The following WDPCP variants were observed in gnomAD, a reference collection of about 807,000 sequenced individuals.
WDPCP encodes the protein WD repeat containing planar cell polarity effector, also known as WD repeat-containing and planar cell polarity effector protein fritz homolog.
A neutral mutation model predicts 93.1 loss-of-function variants in WDPCP; 71 were observed. That is an observed-to-expected ratio of 0.76 (90% CI 0.63 to 0.93). The LOEUF (loss-of-function observed/expected upper bound fraction) is 0.93, where lower values mean the gene tolerates loss of function less well. Among genes scored for constraint, WDPCP ranks in the 40% least tolerant of loss-of-function variants. The pLI, the probability that WDPCP is intolerant of heterozygous loss-of-function variation, is 0.00. For synonymous variants in WDPCP, 315 were observed against 315.0 expected, an observed-to-expected ratio of 1.00 and a Z score of 0.00; for missense variants, 844 against 887.4, an observed-to-expected ratio of 0.95 and a Z score of 0.62.
At chr2:63,284,521 G>T (rs1042979041) in intron 13 of WDPCP, among the ~76,000 whole-genome samples, 1 of 152,080 alleles carries the variant, frequency 6.6e-6, no homozygotes, top group African/African-American at 2.4e-5. Context: ...TGGTATATCC[G>T]AATTGTCAGA....
chr2:63,299,148 A>C (rs1685128873), intron 13 of WDPCP, among the ~76,000 whole-genome samples: 1 of 152,202 alleles, frequency 6.6e-6, no homozygotes, highest in South Asian at 2.1e-4. Flanking sequence ...GCTATTGACC[A>C]ATCCTGTGTT....
At chr2:63,369,538 C>T in intron 12 of WDPCP, 1 of 456,292 alleles carries the variant, frequency 2.2e-6, no homozygotes, top group South Asian at 1.5e-5. Context: ...CAAACAGATA[C>T]CTCAACTAGA....
chr2:63,602,358 T>TG (rs1301117232), intron 3 of WDPCP, among the ~76,000 whole-genome samples: 50 of 148,046 alleles, frequency 3.4e-4, no homozygotes, highest in African/African-American at 1.2e-3. Context: ...TTTTTTTTTT[T>TG]TTTTTTTTTT....
chr2:63,173,296 T>G (rs1435502518), intron 15 of WDPCP, among the ~76,000 whole-genome samples: 2 of 151,138 alleles, frequency 1.3e-5, no homozygotes, highest in African/African-American at 4.9e-5. Flanking sequence ...GAAAAAATTG[T>G]GGAGAGCTTA....
intron 3 of WDPCP, chr2:63,595,335 C>G: frequency 1.2e-6 from 1 of 819,228 alleles, no homozygotes; most frequent in Non-Finnish European, 2.1e-6. Flanking sequence ...CATGCATGTA[C>G]ATACCAAATA....
intron 2 of WDPCP, among the ~76,000 whole-genome samples, chr2:63,763,144 T>G (rs975621201): frequency 7.5e-4 from 114 of 152,294 alleles, no homozygotes; most frequent in African/African-American, 2.7e-3. Context: ...TTGGGGGGTA[T>G]GCCTTATTGT....
intron 1 of WDPCP, among the ~76,000 whole-genome samples, chr2:63,527,937 T>C (rs1703478331): frequency 6.6e-6 from 1 of 152,092 alleles, no homozygotes. Flanking sequence ...TGGTATCTCA[T>C]TGTGGTTTTG....
At chr2:63,398,778 AAT>A (rs1693939715) in intron 10 of WDPCP, among the ~76,000 whole-genome samples, 1 of 152,118 alleles carries the variant, frequency 6.6e-6, no homozygotes, top group Non-Finnish European at 1.5e-5. Flanking sequence ...AAAAAAAAAA[AAT>A]CTCATAAATG....
intron 3 of WDPCP, among the ~76,000 whole-genome samples, chr2:63,620,327 C>G (rs1317984958): frequency 6.6e-6 from 1 of 152,274 alleles, no homozygotes; most frequent in African/African-American, 2.4e-5. Context: ...GATGCTCAAG[C>G]TTGGTAGGGG....
At chr2:63,296,475 G>A (rs1002940339) in intron 13 of WDPCP, among the ~76,000 whole-genome samples, 4 of 152,034 alleles carry the variant, frequency 2.6e-5, no homozygotes, top group African/African-American at 4.8e-5. Context: ...GAAATAAAAC[G>A]TATCCAACTA....
intron 11 of WDPCP, among the ~76,000 whole-genome samples, chr2:63,378,857 A>G (rs1046318615): frequency 6.6e-6 from 1 of 152,172 alleles, no homozygotes. Context: ...TGTGCTAAAC[A>G]TTTACTGTCT....
intron 1 of WDPCP, among the ~76,000 whole-genome samples, chr2:63,506,856 T>C (rs747530901): frequency 1.3e-5 from 2 of 151,904 alleles, no homozygotes; most frequent in Non-Finnish European, 2.9e-5. Context: ...GAGAAGGCTA[T>C]GCTGAAAACA....
chr2:63,218,844 T>C (rs1275355886), intron 14 of WDPCP, among the ~76,000 whole-genome samples: 1 of 152,084 alleles, frequency 6.6e-6, no homozygotes, highest in Non-Finnish European at 1.5e-5. Flanking sequence ...AAAATACAGA[T>C]TGTTCTATAG....
At chr2:63,836,471 A>G in the WDPCP span, among the ~76,000 whole-genome samples, 5 of 152,340 alleles carry the variant, frequency 3.3e-5, no homozygotes, top group Admixed American at 6.5e-5. Flanking sequence ...ACTTCTATAC[A>G]TATATCACTA....
intron 2 of WDPCP, among the ~76,000 whole-genome samples, chr2:63,759,188 AC>A (rs1196441433): frequency 6.6e-6 from 1 of 151,900 alleles, no homozygotes; most frequent in Non-Finnish European, 1.5e-5. Flanking sequence ...AAGCTTTAGG[AC>A]CCCTCACTTG....
intron 2 of WDPCP, among the ~76,000 whole-genome samples, chr2:63,727,522 AT>A (rs1160064850): frequency 6.6e-6 from 1 of 151,966 alleles, no homozygotes; most frequent in Non-Finnish European, 1.5e-5. Flanking sequence ...TTTGTTTGTT[AT>A]GTCTCTGCCA....
chr2:63,261,139 C>G (rs1681595429), intron 13 of WDPCP, among the ~76,000 whole-genome samples: 1 of 150,940 alleles, frequency 6.6e-6, no homozygotes, highest in Non-Finnish European at 1.5e-5. Context: ...CAAGTAATGT[C>G]AGGCTGCATC....
At chr2:63,456,316 CTGA>C (rs1379894702) in intron 6 of WDPCP, among the ~76,000 whole-genome samples, 2 of 152,064 alleles carry the variant, frequency 1.3e-5, no homozygotes, top group Non-Finnish European at 2.9e-5. Context: ...ACTTGGGAGG[CTGA>C]AGTGGGAGGA....
chr2:63,302,849 A>G (rs928860932), intron 13 of WDPCP, among the ~76,000 whole-genome samples: 7 of 152,214 alleles, frequency 4.6e-5, no homozygotes, highest in Non-Finnish European at 1.0e-4. Context: ...TCAGTAACAA[A>G]CTTGGCTACA....
Sources: allele counts gnomAD v4.1 joint callset (sites outside exome capture counted in the v4.1 genomes callset), GRCh38; gene constraint gnomAD v4.1.1; transcripts MANE v1.5; gene names NCBI Gene and HGNC (gene_info 2026-07-23, HGNC 2026-07-21).